Variants in PRKCE observed in about 807,000 individuals in gnomAD.
The protein encoded by PRKCE is protein kinase C epsilon.
Under a neutral mutation model 85.4 loss-of-function variants are expected in PRKCE, and 16 were observed. The ratio of observed to expected loss-of-function variants is 0.19; its 90% CI spans 0.13 to 0.28. The LOEUF is 0.28. PRKCE is among the 10% of genes least tolerant of loss of function. The pLI, the probability that PRKCE is intolerant of heterozygous loss-of-function variation, is 1.00. For missense variants in PRKCE, 573 were observed against 975.2 expected (o/e 0.59, Z 5.49); for synonymous variants, 388 against 371.5 (o/e 1.04, Z -0.51).
At chr2:45,777,120 G>A (rs752580225) in intron 1 of PRKCE, among the ~76,000 whole-genome samples, 4 of 152,094 alleles carry the variant, frequency 2.6e-5, no homozygotes, top group Non-Finnish European at 4.4e-5. Context: ...TAATTCACTC[G>A]ACATTTGGAA....
chr2:45,728,532 C>T (rs1681282280), intron 1 of PRKCE, among the ~76,000 whole-genome samples: 1 of 152,146 alleles, frequency 6.6e-6, no homozygotes, highest in East Asian at 1.9e-4. Context: ...TATTGGGTGT[C>T]ATTTTATATT....
intron 10 of PRKCE, among the ~76,000 whole-genome samples, chr2:46,024,458 C>T (rs545761998): frequency 1.3e-5 from 2 of 152,148 alleles, no homozygotes; most frequent in African/African-American, 4.8e-5. Context: ...CTTAGTGTGG[C>T]AGGAGGTACA....
chr2:45,736,362 G>A (rs2104596450), intron 1 of PRKCE, among the ~76,000 whole-genome samples: 1 of 152,310 alleles, frequency 6.6e-6, no homozygotes. Context: ...ATAGGCGGGA[G>A]TTGGAAGGCT....
chr2:45,930,091 G>A (rs968916978), intron 2 of PRKCE, among the ~76,000 whole-genome samples: 9 of 152,226 alleles, frequency 5.9e-5, no homozygotes, highest in African/African-American at 2.2e-4. Flanking sequence ...ATTCAAGTCT[G>A]ATGTTGGTTT....
At chr2:45,760,035 G>C (rs1684332399) in intron 1 of PRKCE, among the ~76,000 whole-genome samples, 1 of 152,222 alleles carries the variant, frequency 6.6e-6, no homozygotes, top group Non-Finnish European at 1.5e-5. Flanking sequence ...GCATTTGAAA[G>C]TGCTGCAGGA....
At chr2:45,739,790 A>G (rs564536328) in intron 1 of PRKCE, among the ~76,000 whole-genome samples, 2 of 152,264 alleles carry the variant, frequency 1.3e-5, no homozygotes, top group Admixed American at 6.5e-5. Context: ...GACTGTATAT[A>G]TTTGTCAAAA....
At chr2:45,888,275 G>A (rs1351375587) in intron 2 of PRKCE, among the ~76,000 whole-genome samples, 1 of 152,114 alleles carries the variant, frequency 6.6e-6, no homozygotes, top group East Asian at 1.9e-4. Context: ...GAGAACTCTA[G>A]TCTCACTGTG....
intron 10 of PRKCE, among the ~76,000 whole-genome samples, chr2:46,024,275 A>G (rs901686873): frequency 4.6e-5 from 7 of 152,088 alleles, no homozygotes; most frequent in African/African-American, 1.7e-4. Flanking sequence ...ACTGATGGAA[A>G]AACAGACCCT....
chr2:45,959,175 C>T (rs1042420622), intron 2 of PRKCE, among the ~76,000 whole-genome samples: 2 of 152,138 alleles, frequency 1.3e-5, no homozygotes, highest in South Asian at 4.2e-4. Flanking sequence ...AGGTGGTTGT[C>T]GTGGTCTTGC....
At chr2:45,704,891 C>G (rs982863201) in intron 1 of PRKCE, among the ~76,000 whole-genome samples, 2 of 152,206 alleles carry the variant, frequency 1.3e-5, no homozygotes, top group African/African-American at 2.4e-5. Flanking sequence ...TGAGAATAGT[C>G]TTGACCTTGC....
intron 2 of PRKCE, among the ~76,000 whole-genome samples, chr2:45,954,410 T>C (rs914853108): frequency 2.6e-5 from 4 of 152,192 alleles, no homozygotes; most frequent in Non-Finnish European, 5.9e-5. Context: ...TATTGTAAAA[T>C]AAGCAAAGAA....
intron 1 of PRKCE, among the ~76,000 whole-genome samples, chr2:45,808,192 G>A (rs999270475): frequency 4.6e-5 from 7 of 152,076 alleles, no homozygotes; most frequent in African/African-American, 1.4e-4. Flanking sequence ...TGTCTGGTTG[G>A]CAAGCACCAA....
chr2:46,141,856 T>C (rs1675567665), intron 11 of PRKCE, among the ~76,000 whole-genome samples: 1 of 152,132 alleles, frequency 6.6e-6, no homozygotes, highest in Non-Finnish European at 1.5e-5. Flanking sequence ...CGCCTGGCCA[T>C]GTCCTGAACA....
chr2:45,870,683 G>C (rs1006398277), intron 2 of PRKCE, among the ~76,000 whole-genome samples: 1 of 152,160 alleles, frequency 6.6e-6, no homozygotes, highest in African/African-American at 2.4e-5. Context: ...AGTTTTTGGA[G>C]CCAGACACAG....
intron 1 of PRKCE, among the ~76,000 whole-genome samples, chr2:45,746,776 A>G (rs1239462419): frequency 1.3e-5 from 2 of 152,144 alleles, no homozygotes; most frequent in East Asian, 3.9e-4. Context: ...TGCTTGACAC[A>G]TCCCTATCCT....
chr2:46,130,282 A>G (rs976050585), intron 11 of PRKCE, among the ~76,000 whole-genome samples: 1 of 152,052 alleles, frequency 6.6e-6, no homozygotes, highest in African/African-American at 2.4e-5. Context: ...TATATATTAT[A>G]CCACATAAAA....
At chr2:45,987,585 C>T (rs551982096) in intron 6 of PRKCE, among the ~76,000 whole-genome samples, 146 of 151,888 alleles carry the variant, frequency 9.6e-4, no homozygotes, top group African/African-American at 3.5e-3. Flanking sequence ...TGCCCCCCAA[C>T]ACACATGGCC....
intron 10 of PRKCE, among the ~76,000 whole-genome samples, chr2:46,064,304 A>G (rs946494932): frequency 6.7e-6 from 1 of 149,130 alleles, no homozygotes; most frequent in Non-Finnish European, 1.5e-5. Flanking sequence ...AAAAAAAAAG[A>G]AAAAGAAAAT....
At chr2:46,140,468 A>G (rs1675405011) in intron 11 of PRKCE, among the ~76,000 whole-genome samples, 1 of 152,222 alleles carries the variant, frequency 6.6e-6, no homozygotes, top group South Asian at 2.1e-4. Context: ...ACAACTTACT[A>G]AGTTTCTGAA....
Sources: allele counts gnomAD v4.1 joint callset (sites outside exome capture counted in the v4.1 genomes callset), GRCh38; gene constraint gnomAD v4.1.1; transcripts MANE v1.5; gene names NCBI Gene and HGNC (gene_info 2026-07-23, HGNC 2026-07-21).